SYNPO2: variants seen among roughly 807,000 people sequenced by gnomAD.
SYNPO2 encodes the protein synaptopodin-2.
A neutral mutation model predicts 85.0 loss-of-function variants in SYNPO2; 56 were observed. That is an observed-to-expected ratio of 0.66 (90% CI 0.53 to 0.82). The LOEUF (loss-of-function observed/expected upper bound fraction) is 0.82, where lower values mean the gene tolerates loss of function less well. SYNPO2 is among the 40% of genes least tolerant of loss of function. The probability of loss-of-function intolerance (pLI) is 0.00; values close to 1 mark genes in which losing one functional copy is unlikely to be tolerated. For synonymous variants in SYNPO2, 602 were observed against 591.1 expected (o/e 1.02, Z -0.27); for missense variants, 1,575 against 1,534.2 (o/e 1.03, Z -0.44).
intron 1 of SYNPO2, among the ~76,000 whole-genome samples, chr4:118,937,630 G>A (rs958693354): frequency 6.6e-6 from 1 of 152,002 alleles, no homozygotes; most frequent in Non-Finnish European, 1.5e-5. Context: ...CTCTCACTTG[G>A]CAGTTGACCT....
chr4:118,983,300 T>G (rs1383138287), intron 1 of SYNPO2, among the ~76,000 whole-genome samples: 2 of 152,112 alleles, frequency 1.3e-5, no homozygotes, highest in Admixed American at 1.3e-4. Context: ...TTACCTCATT[T>G]CTCTTTCCAG....
intron 4 of SYNPO2, among the ~76,000 whole-genome samples, chr4:119,052,765 T>C (rs1379875617): frequency 1.3e-5 from 2 of 152,186 alleles, no homozygotes; most frequent in Non-Finnish European, 2.9e-5. Flanking sequence ...TATTTCAAAA[T>C]AAAACTGGTT....
intron 1 of SYNPO2, among the ~76,000 whole-genome samples, chr4:118,914,694 T>C (rs1287385212): frequency 2.0e-5 from 3 of 152,046 alleles, no homozygotes; most frequent in African/African-American, 4.8e-5. Context: ...ACATAGAGTC[T>C]AGATAATTAT....
intron 1 of SYNPO2, among the ~76,000 whole-genome samples, chr4:118,894,896 T>G (rs769912909): frequency 1.3e-5 from 2 of 151,606 alleles, no homozygotes; most frequent in African/African-American, 2.4e-5. Context: ...TTATGCCCAG[T>G]CAAATTTTCA....
intron 1 of SYNPO2, among the ~76,000 whole-genome samples, chr4:118,853,494 T>C (rs1233682684): frequency 1.1e-4 from 16 of 151,414 alleles, no homozygotes; most frequent in Admixed American, 1.1e-3. Context: ...CACCCAGAAG[T>C]GTGAGACTAT....
intron 1 of SYNPO2, among the ~76,000 whole-genome samples, chr4:118,955,878 G>A (rs1734858526): frequency 6.6e-6 from 1 of 152,082 alleles, no homozygotes; most frequent in Non-Finnish European, 1.5e-5. Context: ...AGAAATAAAG[G>A]ATAACAAAAA....
At chr4:118,949,631 C>T (rs1433106429) in intron 1 of SYNPO2, among the ~76,000 whole-genome samples, 3 of 151,580 alleles carry the variant, frequency 2.0e-5, no homozygotes, top group Non-Finnish European at 4.4e-5. Flanking sequence ...TGCCTATAAT[C>T]CCAGCTACTC....
In SYNPO2 at chr4:118,889,105, T is replaced by C; in HGVS notation, c.69T>C (p.Gly23=). Residue 23 remains glycine (G), a synonymous_variant, in exon 1 of 5, where the codon GGT becomes GGC. Coordinates refer to ENST00000307142, the MANE Select transcript of SYNPO2 (RefSeq NM_133477.3). ...CGCCCTGGGGGTTCAGATTGCAAGG[T>C]GGCAAGGAGCAGAAGCAGCCCTTAC... is the stretch of plus-strand genomic sequence containing the variant. ...GGAPWGFRLQ[G]GKEQKQPLQV... 2.5e-6 allele frequency: 4 copies of C among 1,614,114 alleles called. No homozygotes were observed. The highest frequency in any genetic ancestry group is 3.4e-6 in the Non-Finnish European group (4 of 1,180,018).
chr4:118,945,114 C>T (rs1462191680), intron 1 of SYNPO2, among the ~76,000 whole-genome samples: 1 of 152,204 alleles, frequency 6.6e-6, no homozygotes, highest in African/African-American at 2.4e-5. Flanking sequence ...CATAAACACT[C>T]AATAAATGTG....
In SYNPO2 at chr4:118,905,531, T is replaced by C. The variant is rs62326793; in HGVS notation, c.105+16390T>C. On this transcript the variant is annotated intron_variant, in intron 1 of 4. Transcript: ENST00000307142. ...GTCTTAATTGATTTTCATGGAACTG[T>C]AAAAACATAGTATGGAAAGTTATTT... 1.7e-3 allele frequency among the ~76,000 whole-genome samples: 263 copies of C among 152,250 alleles called. 1 individual carries two copies. Among genetic ancestry groups the C allele is most frequent in the Non-Finnish European group, 2.8e-3 (193 of 68,000 alleles).
chr4:118,981,909 C>T (rs1847), intron 1 of SYNPO2, among the ~76,000 whole-genome samples: 126,750 of 152,070 alleles, frequency 0.83, 53,045 homozygotes, highest in South Asian at 0.92. Context: ...CAGGTCTGGA[C>T]GGAAACCCAG....
chr4:119,019,508 G>C (rs1737639478), intron 1 of SYNPO2, among the ~76,000 whole-genome samples: 1 of 152,094 alleles, frequency 6.6e-6, no homozygotes, highest in South Asian at 2.1e-4. Context: ...ATAACACATT[G>C]AGTCATAATA....
chr4:118,868,326 G>A (rs1731739467), intron 1 of SYNPO2, among the ~76,000 whole-genome samples: 1 of 151,990 alleles, frequency 6.6e-6, no homozygotes, highest in South Asian at 2.1e-4. Flanking sequence ...TATTTCACCT[G>A]TGAATTAAAT....
intron 1 of SYNPO2, among the ~76,000 whole-genome samples, chr4:118,988,928 C>A (rs936838763): frequency 2.6e-5 from 4 of 152,192 alleles, no homozygotes; most frequent in African/African-American, 9.7e-5. Context: ...ATGAAAACTT[C>A]TCTGGAAGAA....
chr4:119,057,934 A>G lies in SYNPO2; in HGVS notation c.3786A>G (p.Ter1262TrpextTer11). ...PHPRGWRRQT[*>W] ...CAAGGGGATGGAGACGCCAAACATGAAAGTTAGAAGAACGGATCATGTGCC... is the reference window on the plus strand; with the variant it reads ...CAAGGGGATGGAGACGCCAAACATGGAAGTTAGAAGAACGGATCATGTGCC... Residue 1262 changes from the stop codon to tryptophan, a stop_lost, in exon 5 of 5, where the codon TGA becomes TGG. Transcript: ENST00000307142. The G allele has an allele frequency of 1.2e-6, 2 of 1,608,292 alleles. No homozygotes were observed. The highest frequency in any genetic ancestry group is 1.7e-6 in the Non-Finnish European group (2 of 1,177,380).
At chr4:118,940,053 T>C (rs992481267) in intron 1 of SYNPO2, among the ~76,000 whole-genome samples, 2 of 151,410 alleles carry the variant, frequency 1.3e-5, no homozygotes, top group African/African-American at 4.9e-5. Flanking sequence ...TGATGCAATC[T>C]TGGCTCACTG....
intron 1 of SYNPO2, among the ~76,000 whole-genome samples, chr4:118,974,613 CACAT>C (rs1259557342): frequency 1.3e-5 from 2 of 152,330 alleles, no homozygotes; most frequent in Middle Eastern, 3.4e-3. Context: ...GCAATGTTCT[CACAT>C]ACAATCAATG....
chr4:118,927,392 T>A (rs1239947203), intron 1 of SYNPO2, among the ~76,000 whole-genome samples: 1 of 152,134 alleles, frequency 6.6e-6, no homozygotes, highest in Admixed American at 6.6e-5. Flanking sequence ...AAAGATGACC[T>A]TGACCAGTCC....
rs1306568633 is a variant in SYNPO2 at position 119,037,065 on chromosome 4, A to G, written c.3252+5038A>G. 6 of 1,514,952 alleles carry G rather than the reference A, an allele frequency of 4.0e-6. No homozygotes were observed. The South Asian group carries it at 5.3e-5, about 13-fold the overall frequency. The allele number at this position is 1,514,952 out of a possible 1,614,324, so 93.8% of individuals were successfully genotyped here. ...AAGCTCCTTGTGTTTACCTCTGTTT[A>G]TGTCATTCTTGACATGTTTATCTAA... is the stretch of plus-strand genomic sequence containing the variant. On this transcript the variant is annotated intron_variant, in intron 4 of 4. Coordinates refer to ENST00000307142, the MANE Select transcript of SYNPO2 (RefSeq NM_133477.3).
Sources: gnomAD v4.1 joint callset for allele counts (sites outside exome capture counted in the v4.1 genomes callset) on GRCh38, gnomAD v4.1.1 for gene constraint, MANE v1.5 for transcripts, NCBI Gene and HGNC (gene_info 2026-07-23, HGNC 2026-07-21) for gene names.